LRMDA: variants seen among roughly 807,000 people sequenced by gnomAD.
The protein encoded by LRMDA is leucine-rich melanocyte differentiation-associated protein.
A neutral mutation model predicts 29.8 loss-of-function variants in LRMDA; 18 were observed. The observed-to-expected ratio is 0.60, with a 90% CI of 0.42 to 0.90. LRMDA has a LOEUF of 0.90. Ranked by LOEUF, LRMDA falls within the 40% of genes least tolerant of loss-of-function variation. LRMDA has a pLI of 0.00. For missense variants in LRMDA, 273 were observed against 273.9 expected (o/e 1.00, Z 0.02); for synonymous variants, 125 against 109.4 (o/e 1.14, Z -0.89).
At chr10:75,810,480 G>T (rs1843939355) in intron 2 of LRMDA, among the ~76,000 whole-genome samples, 1 of 152,160 alleles carries the variant, frequency 6.6e-6, no homozygotes, top group Non-Finnish European at 1.5e-5. Flanking sequence ...GGAGCTGAAG[G>T]AACAAAAGAC....
At chr10:75,896,147 T>G (rs1292821220) in intron 2 of LRMDA, among the ~76,000 whole-genome samples, 1 of 152,220 alleles carries the variant, frequency 6.6e-6, no homozygotes, top group Non-Finnish European at 1.5e-5. Context: ...CAGTCATTCA[T>G]GGGTGTTAAA....
intron 2 of LRMDA, among the ~76,000 whole-genome samples, chr10:75,766,675 G>A (rs1843172716): frequency 2.6e-5 from 4 of 151,778 alleles, no homozygotes; most frequent in Admixed American, 2.6e-4. Flanking sequence ...TGTGCTGAAT[G>A]TGCAGGTTTG....
chr10:76,016,560 A>T (rs1847882469), intron 2 of LRMDA, among the ~76,000 whole-genome samples: 1 of 152,192 alleles, frequency 6.6e-6, no homozygotes, highest in Admixed American at 6.5e-5. Context: ...ATTTTGTGAC[A>T]TCATCATTGG....
rs142778507 is a variant in LRMDA at position 76,184,326 on chromosome 10, C to T, written c.516+125543C>T. 5.5e-3 allele frequency among the ~76,000 whole-genome samples: 837 copies of T among 152,238 alleles called. 12 individuals carry two copies. The highest frequency in any genetic ancestry group is 0.019 in the African/African-American group (790 of 41,554). Reference sequence around the variant, plus strand: ...GATTACAGGCATGAGCCAATGTACCCGGACCCGGCCCTACATCTTTTTAAT... The same window carrying T: ...GATTACAGGCATGAGCCAATGTACCTGGACCCGGCCCTACATCTTTTTAAT... On this transcript the variant is annotated intron_variant, in intron 5 of 6. Transcript: ENST00000611255.
intron 6 of LRMDA, among the ~76,000 whole-genome samples, chr10:76,436,730 T>C (rs1364009466): frequency 6.6e-6 from 1 of 152,192 alleles, no homozygotes; most frequent in Non-Finnish European, 1.5e-5. Flanking sequence ...TGGACGTCCA[T>C]TCACTTTATC....
chr10:75,436,636 A>G (rs1844267303), intron 1 of LRMDA, among the ~76,000 whole-genome samples: 1 of 151,696 alleles, frequency 6.6e-6, no homozygotes, highest in Non-Finnish European at 1.5e-5. Flanking sequence ...CCCGGCTAAT[A>G]TTTTTTGTAT....
intron 2 of LRMDA, among the ~76,000 whole-genome samples, chr10:75,548,302 A>C (rs1043981802): frequency 1.3e-5 from 2 of 152,202 alleles, no homozygotes; most frequent in African/African-American, 2.4e-5. Context: ...TCCAGTATTG[A>C]CTTCCCTTGG....
chr10:76,041,808 A>G (rs890377682), intron 3 of LRMDA, among the ~76,000 whole-genome samples: 21 of 152,178 alleles, frequency 1.4e-4, no homozygotes, highest in Non-Finnish European at 2.9e-4. Flanking sequence ...CTGAAAAAAA[A>G]TCTCAACGCT....
At chr10:76,281,008 T>C (rs1421314015) in intron 5 of LRMDA, among the ~76,000 whole-genome samples, 3 of 152,160 alleles carry the variant, frequency 2.0e-5, no homozygotes, top group African/African-American at 7.2e-5. Context: ...TTAGTCCAAC[T>C]CTCCACACAC....
chr10:75,664,535 C>T (rs1841796611), intron 2 of LRMDA, among the ~76,000 whole-genome samples: 1 of 152,062 alleles, frequency 6.6e-6, no homozygotes, highest in Non-Finnish European at 1.5e-5. Flanking sequence ...GAAGAGGAGT[C>T]AGGAGGGAAG....
chr10:75,482,937 C>T (rs1056193464), intron 2 of LRMDA, among the ~76,000 whole-genome samples: 1 of 151,788 alleles, frequency 6.6e-6, no homozygotes, highest in Non-Finnish European at 1.5e-5. Context: ...GTTAACCTTT[C>T]CTTTCCTTTC....
At position 75,896,841 on chromosome 10, in the gene LRMDA, TTGTGTGTG is replaced by T. The variant is rs35428137; in HGVS notation, c.132-139143_132-139136del. 1.6e-3 allele frequency among the ~76,000 whole-genome samples: 238 copies of T among 147,546 alleles called. 1 individual carries two copies. In the Middle Eastern group the frequency reaches 0.017, roughly 11 times the overall value. On this transcript the variant is annotated intron_variant, in intron 2 of 6. Transcript: ENST00000611255. Reference sequence around the variant, plus strand: ...CAGTGCTAACTCTGAGAGTGTGCATTTGTGTGTGTGTGTGTGTGTGTGTGTGTGTGTAA... The same window carrying T: ...CAGTGCTAACTCTGAGAGTGTGCATTTGTGTGTGTGTGTGTGTGTGTGTAA...
intron 6 of LRMDA, among the ~76,000 whole-genome samples, chr10:76,489,357 A>G (rs1418878338): frequency 6.6e-6 from 1 of 151,864 alleles, no homozygotes; most frequent in African/African-American, 2.4e-5. Flanking sequence ...TATCAATAGT[A>G]ATGTCTCATT....
rs191042624 is a variant in LRMDA at position 75,563,851 on chromosome 10, C to A, written c.131+125357C>A. 3.7e-3 allele frequency among the ~76,000 whole-genome samples: 555 copies of A among 151,700 alleles called. 5 individuals carry two copies. Among genetic ancestry groups the A allele is most frequent in the African/African-American group, 0.013 (532 of 41,088 alleles). ...CGGTGGCTGCAGAACAGCGGATTTT[C>A]GTGAACTGCGAATGCTGCTGTCTGA... On this transcript the variant is annotated intron_variant, in intron 2 of 6. Coordinates refer to ENST00000611255, the MANE Select transcript of LRMDA (RefSeq NM_001305581.2).
intron 6 of LRMDA, among the ~76,000 whole-genome samples, chr10:76,377,185 G>A (rs1431292325): frequency 3.3e-5 from 5 of 151,830 alleles, no homozygotes; most frequent in Admixed American, 6.6e-5. Context: ...ACACCCAGCC[G>A]TATGTCTTCT....
At chr10:75,683,998 C>T (rs902229744) in intron 2 of LRMDA, among the ~76,000 whole-genome samples, 1 of 152,166 alleles carries the variant, frequency 6.6e-6, no homozygotes, top group Non-Finnish European at 1.5e-5. Context: ...GGTAGACATG[C>T]ACATGTTTTT....
At chr10:75,734,424 G>T (rs887807224) in intron 2 of LRMDA, among the ~76,000 whole-genome samples, 1 of 152,126 alleles carries the variant, frequency 6.6e-6, no homozygotes, top group Admixed American at 6.5e-5. Flanking sequence ...GTATTCAGGA[G>T]AATTGGACTC....
chr10:75,531,401 A>T (rs1845475941), intron 2 of LRMDA, among the ~76,000 whole-genome samples: 1 of 152,158 alleles, frequency 6.6e-6, no homozygotes, highest in Non-Finnish European at 1.5e-5. Context: ...TCCTTCACAG[A>T]CTCGTGGTGA....
rs140227445 is a variant in LRMDA, at chr10:75,726,976, A to G, written c.131+288482A>G. Among the ~76,000 whole-genome samples the G allele has an allele frequency of 5.1e-3, 780 of 152,312 alleles. 10 individuals carry two copies. The highest frequency in any genetic ancestry group is 0.018 in the African/African-American group (749 of 41,556). On this transcript the variant is annotated intron_variant, in intron 2 of 6. Transcript: ENST00000611255. ...TTATGCAAGGTTCTAGTCCACATAG[A>G]GGCCAGCACATGGTGCCTATTAAGT... is the stretch of plus-strand genomic sequence containing the variant.
Sources: gnomAD v4.1 joint callset for allele counts (sites outside exome capture counted in the v4.1 genomes callset) on GRCh38, gnomAD v4.1.1 for gene constraint, MANE v1.5 for transcripts, NCBI Gene and HGNC (gene_info 2026-07-23, HGNC 2026-07-21) for gene names.